The following CDK5RAP2 variants were observed in gnomAD, a reference collection of about 807,000 sequenced individuals.
The protein encoded by CDK5RAP2 is CDK5 regulatory subunit-associated protein 2.
Under a neutral mutation model 232.9 loss-of-function variants are expected in CDK5RAP2, and 147 were observed. The observed-to-expected ratio is 0.63, with a 90% CI of 0.55 to 0.72. The LOEUF is 0.72. Ranked by LOEUF, CDK5RAP2 falls within the 30% of genes least tolerant of loss-of-function variation. CDK5RAP2 has a pLI of 0.00. For missense variants in CDK5RAP2, 2,195 were observed against 2,231.5 expected (o/e 0.98, Z 0.33); for synonymous variants, 833 against 833.7 (o/e 1.00, Z 0.01).
intron 35 of CDK5RAP2, among the ~76,000 whole-genome samples, chr9:120,397,022 G>T (rs2032524793): frequency 6.6e-6 from 1 of 152,212 alleles, no homozygotes; most frequent in Non-Finnish European, 1.5e-5. Flanking sequence ...CAAATGAGAT[G>T]CTGGGTGTAA....
At chr9:120,496,230 G>A (rs2039222684) in intron 12 of CDK5RAP2, among the ~76,000 whole-genome samples, 1 of 127,770 alleles carries the variant, frequency 7.8e-6, no homozygotes, top group Non-Finnish European at 1.7e-5. Flanking sequence ...CGCCCGGCCA[G>A]CCGCCCCGTC....
intron 7 of CDK5RAP2, among the ~76,000 whole-genome samples, chr9:120,535,862 T>C (rs952433052): frequency 2.0e-5 from 3 of 152,214 alleles, no homozygotes; most frequent in African/African-American, 7.2e-5. Flanking sequence ...ATTTGGGCCT[T>C]GGGCTGCATT....
intron 7 of CDK5RAP2, among the ~76,000 whole-genome samples, chr9:120,531,262 A>ACC (rs2041140731): frequency 7.7e-6 from 1 of 130,176 alleles, no homozygotes; most frequent in African/African-American, 2.9e-5. Context: ...TCCCCACCCT[A>ACC]CCCCCGCCTC....
chr9:120,493,639 GTAGT>G (rs1394379084), intron 12 of CDK5RAP2, among the ~76,000 whole-genome samples: 5 of 152,278 alleles, frequency 3.3e-5, no homozygotes, highest in East Asian at 3.9e-4. Context: ...ACTTTAGATG[GTAGT>G]TAGACTGTTT....
intron 4 of CDK5RAP2, among the ~76,000 whole-genome samples, chr9:120,547,179 G>T (rs1021722995): frequency 6.6e-5 from 10 of 151,748 alleles, no homozygotes; most frequent in Non-Finnish European, 1.5e-4. Context: ...TAGTTGAGAC[G>T]GGGTTTCGCC....
chr9:120,472,667 G>A (rs2037780281), intron 15 of CDK5RAP2, among the ~76,000 whole-genome samples: 1 of 152,152 alleles, frequency 6.6e-6, no homozygotes, highest in Non-Finnish European at 1.5e-5. Context: ...TTTTTATTCT[G>A]GGAGAGGAGA....
At chr9:120,442,553 G>T (rs144658799) in intron 23 of CDK5RAP2, among the ~76,000 whole-genome samples, 82 of 152,352 alleles carry the variant, frequency 5.4e-4, no homozygotes, top group African/African-American at 1.9e-3. Context: ...AAGACATTCA[G>T]TAATGAAGGG....
chr9:120,540,003 C>T (rs577513753), intron 5 of CDK5RAP2, among the ~76,000 whole-genome samples: 4 of 152,190 alleles, frequency 2.6e-5, no homozygotes, highest in African/African-American at 7.2e-5. Flanking sequence ...AATCTGTTTG[C>T]GCACTAGCTA....
At chr9:120,513,848 T>C (rs111329371) in intron 12 of CDK5RAP2, among the ~76,000 whole-genome samples, 4,867 of 152,278 alleles carry the variant, frequency 0.032, 261 homozygotes, top group African/African-American at 0.11. Context: ...GCAACACCTG[T>C]AGCAGCTGGT....
intron 16 of CDK5RAP2, among the ~76,000 whole-genome samples, chr9:120,471,366 T>C (rs888203807): frequency 6.6e-6 from 1 of 152,142 alleles, no homozygotes; most frequent in Non-Finnish European, 1.5e-5. Context: ...CTCACCCATA[T>C]ATGTGTGCAG....
chr9:120,506,768 T>C (rs964679278), intron 12 of CDK5RAP2, among the ~76,000 whole-genome samples: 1 of 152,218 alleles, frequency 6.6e-6, no homozygotes, highest in Non-Finnish European at 1.5e-5. Flanking sequence ...TGATAAAGCT[T>C]GAACAGATAC....
chr9:120,552,098 A>G (rs2042063381), intron 3 of CDK5RAP2, among the ~76,000 whole-genome samples: 1 of 152,080 alleles, frequency 6.6e-6, no homozygotes, highest in African/African-American at 2.4e-5. Flanking sequence ...AAAAATGCTC[A>G]TCATCACTGG....
rs1468197324 is a variant in CDK5RAP2 at position 120,580,141 on chromosome 9, T to C, written c.-163A>G. 2.4e-5 allele frequency: 14 copies of C among 587,046 alleles called. No individual in the cohort carries two copies. Among genetic ancestry groups the C allele is most frequent in the Admixed American group, 3.1e-5 (1 of 32,524 alleles). 36.4% of individuals were successfully genotyped at this position (587,046 alleles called of 1,614,324 possible). ...AATTCAAACCACAGACGCCGCCATC[T>C]TTCCCGGCGCTTCTTCCTACGGAAA... On this transcript the variant is annotated 5_prime_UTR_variant, in exon 1 of 38. Transcript: ENST00000349780.
intron 21 of CDK5RAP2, among the ~76,000 whole-genome samples, chr9:120,451,928 T>G (rs951655986): frequency 6.7e-6 from 1 of 149,274 alleles, no homozygotes; most frequent in Non-Finnish European, 1.5e-5. Context: ...TAATAGATAC[T>G]AAAAATAATA....
At chr9:120,517,096 A>G (rs2040371558) in intron 12 of CDK5RAP2, among the ~76,000 whole-genome samples, 1 of 152,206 alleles carries the variant, frequency 6.6e-6, no homozygotes, top group Non-Finnish European at 1.5e-5. Flanking sequence ...CTAAGTGATC[A>G]AAGACAGAAC....
At chr9:120,525,137 C>A (rs2040843482) in intron 10 of CDK5RAP2, 59 bp from the exon 11 acceptor site, 5 of 1,240,122 alleles carry the variant, frequency 4.0e-6, no homozygotes, top group South Asian at 3.6e-5. Context: ...CTCTGCACAG[C>A]CCACATGCTT....
rs2131636498 is a variant in CDK5RAP2 at position 120,491,337 on chromosome 9, T to TTAA, written c.1451_1452insTTA (p.Glu484delinsAspTer). The TTAA allele has an allele frequency of 6.2e-7, 1 of 1,613,732 alleles. No individual in the cohort carries two copies. Among genetic ancestry groups the TTAA allele is most frequent in the African/African-American group, 1.3e-5 (1 of 75,048 alleles). ...GCAACACGTCCTTCTGATTGGTACT[T>TTAA]TCTGTTAGATGTTTGATCACTTGCT... On this transcript the variant is annotated stop_gained and protein_altering_variant, in exon 13 of 38. Transcript: ENST00000349780. LOFTEE classifies it high-confidence loss of function.
chr9:120,389,254 G>A lies in CDK5RAP2; in HGVS notation c.5664C>T (p.Pro1888=). ...PGGAHPGTCS[P]SRPGS ...GTTCTTCTCAGGAGCCTGGTCTGCT[G>A]GGACTGCATGTTCCTGGATGGGCTC... Residue 1888 remains proline (P), a synonymous_variant, in exon 38 of 38, where the codon CCC becomes CCT. Transcript: ENST00000349780. 2 of 1,612,972 alleles carry A rather than the reference G, an allele frequency of 1.2e-6. No homozygotes were observed. The highest frequency in any genetic ancestry group is 1.7e-6 in the Non-Finnish European group (2 of 1,179,484).
At chr9:120,539,251 T>C (rs1239957177) in intron 5 of CDK5RAP2, 87 bp from the exon 6 acceptor site, 5 of 1,528,610 alleles carry the variant, frequency 3.3e-6, no homozygotes, top group Non-Finnish European at 4.5e-6. Flanking sequence ...GAGTATTTGC[T>C]AGTCATTTCT....
Sources: gnomAD v4.1 joint callset for allele counts (sites outside exome capture counted in the v4.1 genomes callset) on GRCh38, gnomAD v4.1.1 for gene constraint, MANE v1.5 for transcripts, NCBI Gene and HGNC (gene_info 2026-07-23, HGNC 2026-07-21) for gene names.